Variants in CLVS1 observed in about 807,000 individuals in gnomAD.
CLVS1 encodes the protein clavesin-1.
A neutral mutation model predicts 33.1 loss-of-function variants in CLVS1; 10 were observed. The ratio of observed to expected loss-of-function variants is 0.30; its 90% CI spans 0.19 to 0.51. The LOEUF (loss-of-function observed/expected upper bound fraction) is 0.51, where lower values mean the gene tolerates loss of function less well. CLVS1 is among the 20% of genes least tolerant of loss of function. The probability of loss-of-function intolerance (pLI) is 0.97; values close to 1 mark genes in which losing one functional copy is unlikely to be tolerated. For missense variants in CLVS1, 343 were observed against 433.4 expected, an observed-to-expected ratio of 0.79 and a Z score of 1.85; for synonymous variants, 163 against 166.1, an observed-to-expected ratio of 0.98 and a Z score of 0.14.
intron 2 of CLVS1, among the ~76,000 whole-genome samples, chr8:61,263,781 T>C (rs1388280439): frequency 6.6e-6 from 1 of 152,186 alleles, no homozygotes; most frequent in Non-Finnish European, 1.5e-5. Context: ...CTCTAAGCAT[T>C]AGACCTTCCT....
At chr8:60,986,502 G>T in the CLVS1 span, among the ~76,000 whole-genome samples, 8 of 152,216 alleles carry the variant, frequency 5.3e-5, no homozygotes, top group Non-Finnish European at 1.2e-4. Flanking sequence ...TGACCTCAGT[G>T]GGGACCATTT....
intron 1 of CLVS1, among the ~76,000 whole-genome samples, chr8:61,074,017 A>C (rs527321517): frequency 6.7e-6 from 1 of 150,298 alleles, no homozygotes; most frequent in Admixed American, 6.6e-5. Flanking sequence ...CTCAAAAAAA[A>C]AAAAAAAAAA....
chr8:61,106,394 T>A (rs777727233), intron 1 of CLVS1, among the ~76,000 whole-genome samples: 8 of 152,120 alleles, frequency 5.3e-5, no homozygotes, highest in Non-Finnish European at 1.2e-4. Flanking sequence ...GAATGAAAAC[T>A]CGATATTTAA....
rs540772316 is a variant in CLVS1, at chr8:61,411,715, C to T, written c.630+34936C>T. On this transcript the variant is annotated intron_variant, in intron 3 of 5. Transcript: ENST00000325897. The stretch of plus-strand genomic sequence containing the variant: ...GGCAAACCTCCTTTACTGGATGAGC[C>T]CTGGCCTTTCATCCTGAGGCCTCCC... Among the ~76,000 whole-genome samples the T allele has an allele frequency of 3.3e-5, 5 of 152,282 alleles. No homozygotes were observed. In the East Asian group the frequency reaches 9.6e-4, roughly 29 times the overall value.
intron 5 of CLVS1, among the ~76,000 whole-genome samples, chr8:61,497,441 TTG>T (rs1804305465): frequency 3.4e-5 from 1 of 29,322 alleles, no homozygotes; most frequent in African/African-American, 9.2e-5. Context: ...CAGGTTTTTA[TTG>T]GGGGGGGGGT....
At chr8:61,121,608 C>T (rs1359232310) in intron 1 of CLVS1, among the ~76,000 whole-genome samples, 1 of 152,214 alleles carries the variant, frequency 6.6e-6, no homozygotes, top group Non-Finnish European at 1.5e-5. Flanking sequence ...CTCAATCCAT[C>T]AGGTTTTTGC....
intron 2 of CLVS1, among the ~76,000 whole-genome samples, chr8:61,271,744 G>C: frequency 7.1e-6 from 1 of 139,894 alleles, no homozygotes; most frequent in Admixed American, 7.1e-5. Flanking sequence ...TCTTCTTGTT[G>C]AATTGATCCC....
At chr8:61,247,917 G>T (rs1808852631) in intron 2 of CLVS1, among the ~76,000 whole-genome samples, 1 of 152,114 alleles carries the variant, frequency 6.6e-6, no homozygotes, top group Non-Finnish European at 1.5e-5. Flanking sequence ...AACATTTTGG[G>T]TTTTACACTG....
chr8:61,311,767 G>T (rs190548930), intron 2 of CLVS1, among the ~76,000 whole-genome samples: 2 of 152,310 alleles, frequency 1.3e-5, no homozygotes, highest in Admixed American at 1.3e-4. Flanking sequence ...AGTCTCCTCT[G>T]ATGGCTAGAA....
chr8:61,164,057 C>A (rs917983458), intron 2 of CLVS1, among the ~76,000 whole-genome samples: 2 of 152,210 alleles, frequency 1.3e-5, no homozygotes, highest in Non-Finnish European at 2.9e-5. Context: ...TGTCCCTCCC[C>A]CTGTGCTCTC....
the CLVS1 span, among the ~76,000 whole-genome samples, chr8:61,014,636 G>T: frequency 3.9e-5 from 6 of 152,222 alleles, no homozygotes; most frequent in Non-Finnish European, 8.8e-5. Context: ...AGAGAAAAAA[G>T]CGTGGGGCTT....
intron 2 of CLVS1, among the ~76,000 whole-genome samples, chr8:61,222,359 C>A (rs1242827242): frequency 6.6e-6 from 1 of 152,060 alleles, no homozygotes; most frequent in Admixed American, 6.5e-5. Flanking sequence ...TTAGCTGTGT[C>A]CCAGAGATTC....
At chr8:61,227,344 A>G (rs1335892613) in intron 2 of CLVS1, among the ~76,000 whole-genome samples, 3 of 150,918 alleles carry the variant, frequency 2.0e-5, no homozygotes, top group East Asian at 1.9e-4. Flanking sequence ...CTGATCAGGT[A>G]CATAGCTGTA....
intron 1 of CLVS1, among the ~76,000 whole-genome samples, chr8:61,293,046 C>A (rs1208522694): frequency 6.6e-6 from 1 of 152,082 alleles, no homozygotes; most frequent in East Asian, 1.9e-4. Context: ...AGAGCAGGAC[C>A]AAATGGGAGC....
At chr8:61,035,193 T>TC in the CLVS1 span, among the ~76,000 whole-genome samples, 2 of 148,980 alleles carry the variant, frequency 1.3e-5, no homozygotes, top group Admixed American at 6.7e-5. Context: ...TTTTCTTTTT[T>TC]TTTTTTTTGA....
At chr8:61,132,996 G>A (rs735605) in intron 2 of CLVS1, among the ~76,000 whole-genome samples, 9,262 of 152,198 alleles carry the variant, frequency 0.061, 906 homozygotes, top group African/African-American at 0.21. Context: ...TCTTTTCATG[G>A]TGAAAAGCAG....
chr8:60,966,117 G>A, the CLVS1 span: 3 of 282,846 alleles, frequency 1.1e-5, no homozygotes, highest in African/African-American at 6.6e-5. Flanking sequence ...TGGCCCCAGT[G>A]TTCTTAATTA....
intron 3 of CLVS1, among the ~76,000 whole-genome samples, chr8:61,420,698 G>A (rs1328053228): frequency 6.6e-6 from 1 of 152,060 alleles, no homozygotes; most frequent in East Asian, 1.9e-4. Flanking sequence ...GGCCAGGCAC[G>A]GTGGTCACAC....
At chr8:61,285,148 T>A (rs1489740037), upstream of CLVS1, among the ~76,000 whole-genome samples, 1 of 152,144 alleles carries the variant, frequency 6.6e-6, no homozygotes, top group Non-Finnish European at 1.5e-5. Flanking sequence ...CAATCATCTA[T>A]GGGAAGAAAG....
Sources: allele counts gnomAD v4.1 joint callset (sites outside exome capture counted in the v4.1 genomes callset), GRCh38; gene constraint gnomAD v4.1.1; transcripts MANE v1.5; gene names NCBI Gene and HGNC (gene_info 2026-07-23, HGNC 2026-07-21).